CNTN5: variants seen among roughly 807,000 people sequenced by gnomAD.
The protein encoded by CNTN5 is contactin-5.
In CNTN5, 77 loss-of-function variants were observed where a neutral mutation model predicts 129.1. That is an observed-to-expected ratio of 0.60 (90% confidence interval 0.50 to 0.72). The LOEUF (loss-of-function observed/expected upper bound fraction) is 0.72. Ranked by LOEUF, CNTN5 falls within the 30% of genes least tolerant of loss-of-function variation. The pLI is 0.00. For synonymous variants in CNTN5, 509 were observed against 465.6 expected (o/e 1.09, Z -1.20); for missense variants, 1,478 against 1,328.8 (o/e 1.11, Z -1.75).
At chr11:99,946,938 A>G (rs950305673) in intron 7 of CNTN5, among the ~76,000 whole-genome samples, 14 of 151,948 alleles carry the variant, frequency 9.2e-5, no homozygotes, top group African/African-American at 3.4e-4. Context: ...AATTAACTAC[A>G]TCAATTTCAA....
At chr11:99,197,145 A>G (rs1303656751) in intron 1 of CNTN5, among the ~76,000 whole-genome samples, 1 of 152,006 alleles carries the variant, frequency 6.6e-6, no homozygotes, top group Non-Finnish European at 1.5e-5. Flanking sequence ...TACAAATTGG[A>G]CACATACAAC....
At chr11:99,966,418 G>C (rs1219822548) in intron 8 of CNTN5, among the ~76,000 whole-genome samples, 2 of 152,170 alleles carry the variant, frequency 1.3e-5, no homozygotes, top group African/African-American at 4.8e-5. Context: ...ATGCATTACA[G>C]AGATGACCGC....
chr11:99,141,143 G>T (rs557545002), intron 1 of CNTN5, among the ~76,000 whole-genome samples: 2 of 151,878 alleles, frequency 1.3e-5, no homozygotes, highest in East Asian at 3.9e-4. Flanking sequence ...CTGGTTGGTA[G>T]TTTTTTTTAT....
chr11:99,494,436 A>T (rs983351713), intron 2 of CNTN5, among the ~76,000 whole-genome samples: 1 of 152,206 alleles, frequency 6.6e-6, no homozygotes, highest in African/African-American at 2.4e-5. Flanking sequence ...TTTTATCCTT[A>T]TTGGGATAAA....
At chr11:99,673,764 G>GA (rs56183704) in intron 3 of CNTN5, among the ~76,000 whole-genome samples, 9 of 148,216 alleles carry the variant, frequency 6.1e-5, no homozygotes, top group African/African-American at 2.0e-4. Flanking sequence ...TGTCCCTGCA[G>GA]AAAAAAAAAA....
chr11:99,358,253 TG>T, intron 2 of CNTN5, among the ~76,000 whole-genome samples: 1 of 52,868 alleles, frequency 1.9e-5, no homozygotes, highest in Non-Finnish European at 3.4e-5. Flanking sequence ...CACGCCCTGC[TG>T]ATTTTTTTTT....
At chr11:100,047,981 A>T (rs934029132) in intron 9 of CNTN5, among the ~76,000 whole-genome samples, 2 of 152,094 alleles carry the variant, frequency 1.3e-5, no homozygotes, top group African/African-American at 4.8e-5. Flanking sequence ...AATACAAAAA[A>T]TTAGCCCAGC....
chr11:99,525,731 G>A (rs1237756965), intron 2 of CNTN5, among the ~76,000 whole-genome samples: 1 of 152,198 alleles, frequency 6.6e-6, no homozygotes, highest in Non-Finnish European at 1.5e-5. Flanking sequence ...TAATAGCCAG[G>A]CAGAGAGCCA....
chr11:100,114,639 GT>G (rs531697086), intron 13 of CNTN5, among the ~76,000 whole-genome samples: 2 of 151,844 alleles, frequency 1.3e-5, no homozygotes, highest in East Asian at 1.9e-4. Flanking sequence ...TCTTACAGAA[GT>G]TTTTTTTCCT....
Position 99,703,218 on chromosome 11 carries a change from G to A in CNTN5, c.56-116326G>A, listed in dbSNP as rs554349973. On this transcript the variant is annotated intron_variant, in intron 3 of 24. Coordinates refer to ENST00000524871, the MANE Select transcript of CNTN5 (RefSeq NM_014361.4). The stretch of plus-strand genomic sequence containing the variant: ...TTATAAAACCAAATACATATCAAAG[G>A]TATTTGGGGTTTTTTTTTTTTTTTT... Among the ~76,000 whole-genome samples the A allele has an allele frequency of 6.4e-5, 9 of 140,064 alleles. No individual in the cohort carries two copies. In the South Asian group the frequency reaches 2.1e-3, roughly 33 times the overall value. 91.9% of individuals were successfully genotyped at this position (140,064 alleles called of 152,430 possible).
chr11:99,918,789 A>G (rs180874969), intron 7 of CNTN5, among the ~76,000 whole-genome samples: 17 of 152,274 alleles, frequency 1.1e-4, no homozygotes, highest in Admixed American at 5.2e-4. Flanking sequence ...CCAAGGCCAC[A>G]CTAACTTCCT....
At chr11:99,929,400 AGTGCCCCACTCTCCGTG>A (rs1211260998) in intron 7 of CNTN5, among the ~76,000 whole-genome samples, 1 of 152,172 alleles carries the variant, frequency 6.6e-6, no homozygotes, top group Non-Finnish European at 1.5e-5. Flanking sequence ...TCCTTTCAGC[AGTGCCCCACTCTCCGTG>A]GTGCCAGTTT....
At chr11:100,150,836 C>T (rs892905050) in intron 13 of CNTN5, among the ~76,000 whole-genome samples, 2 of 152,120 alleles carry the variant, frequency 1.3e-5, no homozygotes, top group African/African-American at 4.8e-5. Context: ...ATGTTGAACA[C>T]TTACCCCCTA....
chr11:99,625,883 T>C (rs1951109384), intron 3 of CNTN5, among the ~76,000 whole-genome samples: 1 of 150,036 alleles, frequency 6.7e-6, no homozygotes, highest in South Asian at 2.1e-4. Context: ...TCTCATGAGC[T>C]CATGATAAGG....
chr11:99,860,950 ATT>A lies in CNTN5; in HGVS notation c.577+15710_577+15711del, dbSNP rs146364893. On this transcript the variant is annotated intron_variant, in intron 6 of 24. Coordinates refer to ENST00000524871, the MANE Select transcript of CNTN5 (RefSeq NM_014361.4). ...TTCCATTAACATGGAATATGTCTTC[ATT>A]TTTTTTTTTTTTTTTTTTTTTGAGA... is the stretch of plus-strand genomic sequence containing the variant. Among the ~76,000 whole-genome samples, 539 of 90,976 alleles carry A rather than the reference ATT, an allele frequency of 5.9e-3. 1 individual carries two copies. Among genetic ancestry groups the A allele is most frequent in the African/African-American group, 0.023 (516 of 22,462 alleles). 59.7% of individuals were successfully genotyped at this position (90,976 alleles called of 152,430 possible).
At chr11:99,207,423 A>C (rs1859539522) in intron 1 of CNTN5, among the ~76,000 whole-genome samples, 1 of 152,154 alleles carries the variant, frequency 6.6e-6, no homozygotes, top group Admixed American at 6.6e-5. Context: ...ACACTCCAAG[A>C]GCTATGATTT....
chr11:100,131,828 A>AGACTT (rs1400536162), intron 13 of CNTN5, among the ~76,000 whole-genome samples: 1 of 152,072 alleles, frequency 6.6e-6, no homozygotes, highest in Non-Finnish European at 1.5e-5. Context: ...GGGGGAAGGG[A>AGACTT]GACTTGAACA....
At chr11:99,138,890 C>A (rs1859370213) in intron 1 of CNTN5, among the ~76,000 whole-genome samples, 1 of 152,130 alleles carries the variant, frequency 6.6e-6, no homozygotes. Flanking sequence ...ATTTTCTTTA[C>A]TTTTTCTTTC....
chr11:100,144,096 T>A (rs1302679606), intron 13 of CNTN5, among the ~76,000 whole-genome samples: 1 of 152,190 alleles, frequency 6.6e-6, no homozygotes, highest in East Asian at 1.9e-4. Flanking sequence ...ATCATGACTA[T>A]CAAATTTTAC....
Sources: allele counts gnomAD v4.1 joint callset (sites outside exome capture counted in the v4.1 genomes callset), GRCh38; gene constraint gnomAD v4.1.1; transcripts MANE v1.5; gene names NCBI Gene and HGNC (gene_info 2026-07-23, HGNC 2026-07-21).